CLSTN2: variants seen among roughly 807,000 people sequenced by gnomAD.
CLSTN2 encodes the protein calsyntenin 2.
In CLSTN2, 48 loss-of-function variants were observed where a neutral mutation model predicts 101.2. That is an observed-to-expected ratio of 0.47 (90% CI 0.38 to 0.60). The LOEUF (loss-of-function observed/expected upper bound fraction) is 0.60, where lower values mean the gene tolerates loss of function less well. CLSTN2 is among the 20% of genes least tolerant of loss of function. The pLI is 0.00. For missense variants in CLSTN2, 1,160 were observed against 1,238.2 expected (o/e 0.94, Z 0.95); for synonymous variants, 481 against 463.6 (o/e 1.04, Z -0.48).
intron 1 of CLSTN2, among the ~76,000 whole-genome samples, chr3:139,996,043 C>T (rs2006649113): frequency 6.6e-6 from 1 of 152,216 alleles, no homozygotes; most frequent in South Asian, 2.1e-4. Flanking sequence ...TGTGCTCCTT[C>T]CATCTCCCAT....
intron 16 of CLSTN2, among the ~76,000 whole-genome samples, chr3:140,565,749 A>G (rs757406337): frequency 1.4e-4 from 22 of 152,312 alleles, no homozygotes; most frequent in South Asian, 6.2e-4. Context: ...CTTGGCCTGA[A>G]AGGTTCAGTA....
intron 2 of CLSTN2, among the ~76,000 whole-genome samples, chr3:140,327,774 G>A (rs1479877): frequency 0.47 from 71,334 of 152,068 alleles, 17,598 homozygotes; most frequent in Non-Finnish European, 0.55. Context: ...CACTTGATAA[G>A]TGTCAGTTTT....
chr3:140,378,514 G>A (rs768308445), intron 2 of CLSTN2, among the ~76,000 whole-genome samples: 8 of 152,198 alleles, frequency 5.3e-5, no homozygotes, highest in Non-Finnish European at 7.3e-5. Flanking sequence ...AGCTCAAGAC[G>A]CAGTTAATTT....
At chr3:140,381,669 CT>C (rs2087986765) in intron 2 of CLSTN2, among the ~76,000 whole-genome samples, 1 of 152,194 alleles carries the variant, frequency 6.6e-6, no homozygotes, top group South Asian at 2.1e-4. Flanking sequence ...ACATCATGGC[CT>C]TGACTCCATA....
intron 1 of CLSTN2, among the ~76,000 whole-genome samples, chr3:139,963,544 T>C (rs1935544846): frequency 6.6e-6 from 1 of 152,044 alleles, no homozygotes; most frequent in African/African-American, 2.4e-5. Context: ...ATTTTAGAGC[T>C]AGGAAGAGGG....
intron 9 of CLSTN2, among the ~76,000 whole-genome samples, chr3:140,542,845 A>T (rs349558): frequency 0.18 from 27,095 of 152,118 alleles, 2,486 homozygotes; most frequent in Non-Finnish European, 0.21. Flanking sequence ...GGGTTAGAAG[A>T]TAGATCCTAA....
intron 1 of CLSTN2, among the ~76,000 whole-genome samples, chr3:140,044,154 T>C (rs1348511156): frequency 2.0e-5 from 3 of 152,128 alleles, no homozygotes; most frequent in Admixed American, 6.5e-5. Context: ...ATTCTTCCTA[T>C]CCATGAGCAT....
At chr3:140,412,358 A>G (rs1320993277) in intron 4 of CLSTN2, among the ~76,000 whole-genome samples, 1 of 152,154 alleles carries the variant, frequency 6.6e-6, no homozygotes, top group Non-Finnish European at 1.5e-5. Flanking sequence ...AGCAGGCATG[A>G]GTTCTAGGAG....
intron 1 of CLSTN2, among the ~76,000 whole-genome samples, chr3:139,960,948 G>A (rs1044195869): frequency 1.3e-5 from 2 of 152,174 alleles, no homozygotes; most frequent in African/African-American, 4.8e-5. Context: ...TTATATTAGA[G>A]AAAATGGAAT....
chr3:139,976,175 T>C (rs1935813801), intron 1 of CLSTN2, among the ~76,000 whole-genome samples: 1 of 152,208 alleles, frequency 6.6e-6, no homozygotes, highest in Admixed American at 6.5e-5. Context: ...CTGTAGATTA[T>C]AGGAAGAGCC....
At chr3:140,432,934 T>C (rs1021641411) in intron 5 of CLSTN2, among the ~76,000 whole-genome samples, 1 of 152,262 alleles carries the variant, frequency 6.6e-6, no homozygotes, top group Non-Finnish European at 1.5e-5. Flanking sequence ...TGGTCATTTA[T>C]TCTTCACTGA....
At chr3:139,959,712 A>G (rs1285342943) in intron 1 of CLSTN2, among the ~76,000 whole-genome samples, 1 of 152,042 alleles carries the variant, frequency 6.6e-6, no homozygotes, top group African/African-American at 2.4e-5. Context: ...GTAGCGTTCT[A>G]AGCTCATTCT....
At chr3:140,276,508 G>A (rs535730845) in intron 2 of CLSTN2, among the ~76,000 whole-genome samples, 1 of 152,282 alleles carries the variant, frequency 6.6e-6, no homozygotes, top group East Asian at 1.9e-4. Flanking sequence ...GGAATTGAGT[G>A]TAGGTGTTTT....
intron 1 of CLSTN2, among the ~76,000 whole-genome samples, chr3:139,992,142 G>T (rs1328036659): frequency 6.6e-6 from 1 of 152,172 alleles, no homozygotes; most frequent in East Asian, 1.9e-4. Flanking sequence ...TGGGAAGAAG[G>T]TATCCTTGTA....
intron 6 of CLSTN2, among the ~76,000 whole-genome samples, chr3:140,455,271 G>A (rs1559874442): frequency 6.6e-6 from 1 of 152,174 alleles, no homozygotes; most frequent in South Asian, 2.1e-4. Context: ...CCCAGAGGTG[G>A]ACCCTGAGGA....
intron 5 of CLSTN2, among the ~76,000 whole-genome samples, chr3:140,435,937 G>C (rs1287820674): frequency 6.6e-6 from 1 of 152,070 alleles, no homozygotes; most frequent in African/African-American, 2.4e-5. Context: ...TTTTCCTGTA[G>C]AGTTGTTTGA....
intron 1 of CLSTN2, among the ~76,000 whole-genome samples, chr3:140,112,158 A>G (rs1456852631): frequency 2.0e-5 from 3 of 152,208 alleles, no homozygotes; most frequent in Non-Finnish European, 4.4e-5. Flanking sequence ...TTTCCTGCTT[A>G]AGAAGACAAG....
chr3:140,533,808 G>A (rs1296100572), intron 9 of CLSTN2, among the ~76,000 whole-genome samples: 1 of 151,778 alleles, frequency 6.6e-6, no homozygotes, highest in Non-Finnish European at 1.5e-5. Context: ...TGGACAAAGT[G>A]AGTTATGGGC....
At chr3:140,206,051 A>C (rs1425993721) in intron 2 of CLSTN2, among the ~76,000 whole-genome samples, 1 of 152,238 alleles carries the variant, frequency 6.6e-6, no homozygotes, top group Non-Finnish European at 1.5e-5. Context: ...ACTCATTAAA[A>C]AAAGAAAGGA....
Sources: gnomAD v4.1 joint callset for allele counts (sites outside exome capture counted in the v4.1 genomes callset) on GRCh38, gnomAD v4.1.1 for gene constraint, MANE v1.5 for transcripts, NCBI Gene and HGNC (gene_info 2026-07-23, HGNC 2026-07-21) for gene names.